The following RARS2 variants were observed in gnomAD, a reference collection of about 807,000 sequenced individuals.
RARS2 encodes the protein arginyl-tRNA synthetase 2, mitochondrial.
Under a neutral mutation model 88.5 loss-of-function variants are expected in RARS2, and 67 were observed. That is an observed-to-expected ratio of 0.76 (90% CI 0.62 to 0.93). The LOEUF (loss-of-function observed/expected upper bound fraction) is 0.93, where lower values mean the gene tolerates loss of function less well. RARS2 is among the 40% of genes least tolerant of loss of function. The pLI, the probability that RARS2 is intolerant of heterozygous loss-of-function variation, is 0.00. For missense variants in RARS2, 664 were observed against 684.2 expected (o/e 0.97, Z 0.33); for synonymous variants, 239 against 230.3 (o/e 1.04, Z -0.34).
rs757932711 is a variant in RARS2 at position 87,516,870 on chromosome 6, C to A, written c.1522G>T (p.Val508Leu). 2 of 1,613,724 alleles carry A rather than the reference C, an allele frequency of 1.2e-6. No homozygotes were observed. Among genetic ancestry groups the A allele is most frequent in the South Asian group, 2.2e-5 (2 of 91,072 alleles). The change falls in exon 18 of 20, where the codon GTG becomes TTG. Residue 508 changes from valine to leucine, a missense_variant. Transcript: ENST00000369536. The stretch of plus-strand genomic sequence containing the variant: ...AAGTCCTGAGATGATTTATAAAGCA[C>A]CTCGTCGAACCTAAAAGATGACAGG... ...ILQHLLRFDE[V>L]LYKSSQDFQP...
chr6:87,544,016 A>G (rs574487240), intron 7 of RARS2, among the ~76,000 whole-genome samples: 2 of 152,370 alleles, frequency 1.3e-5, no homozygotes, highest in South Asian at 2.1e-4. Flanking sequence ...TAGCTGAAAC[A>G]GCAAAAATAT....
chr6:87,519,851 A>G, intron 13 of RARS2, 144 bp from the exon 14 acceptor site: 1 of 1,004,498 alleles, frequency 1.0e-6, no homozygotes, highest in Non-Finnish European at 1.5e-6. Flanking sequence ...TGTGATTTGT[A>G]TGCTACAAAG....
At chr6:87,586,680 A>C (rs1227315879) in intron 1 of RARS2, among the ~76,000 whole-genome samples, 2 of 152,328 alleles carry the variant, frequency 1.3e-5, no homozygotes, top group East Asian at 3.9e-4. Flanking sequence ...AAGTTAGCTA[A>C]ATGCATTTGC....
intron 1 of RARS2, among the ~76,000 whole-genome samples, chr6:87,570,488 G>A (rs914577602): frequency 2.0e-5 from 3 of 152,004 alleles, no homozygotes; most frequent in Non-Finnish European, 4.4e-5. Flanking sequence ...ACGTGATCTC[G>A]GCTCACTGCG....
intron 8 of RARS2, 120 bp downstream of exon 8, chr6:87,541,798 T>A (rs1781052556): frequency 2.7e-6 from 2 of 747,946 alleles, no homozygotes; most frequent in Admixed American, 4.2e-5. Flanking sequence ...CACTCCAGCC[T>A]GGGCAACAGA....
intron 14 of RARS2, 50 bp from the exon 15 acceptor site, chr6:87,518,941 T>A: frequency 6.4e-7 from 1 of 1,570,636 alleles, no homozygotes; most frequent in Non-Finnish European, 8.8e-7. Flanking sequence ...ACTGTGCCAA[T>A]CATGGATCCA....
intron 10 of RARS2, among the ~76,000 whole-genome samples, chr6:87,525,040 C>T (rs1327887727): frequency 6.6e-6 from 1 of 152,034 alleles, no homozygotes; most frequent in African/African-American, 2.4e-5. Flanking sequence ...CACAAAGTAC[C>T]CAAGTATTAA....
At chr6:87,519,895 G>C (rs2128008371) in intron 13 of RARS2, among the ~76,000 whole-genome samples, 188 bp from the exon 14 acceptor site, 1 of 152,258 alleles carries the variant, frequency 6.6e-6, no homozygotes, top group East Asian at 1.9e-4. Flanking sequence ...ATAATCACCA[G>C]CATGTGATTA....
At chr6:87,541,592 G>A (rs1381691400) in intron 8 of RARS2, among the ~76,000 whole-genome samples, 1 of 152,210 alleles carries the variant, frequency 6.6e-6, no homozygotes, top group Non-Finnish European at 1.5e-5. Context: ...GGGAGGCCAA[G>A]GTGGGTGGAT....
At chr6:87,545,756 G>A (rs1782449654) in intron 6 of RARS2, 57 bp from the exon 7 acceptor site, 3 of 1,578,478 alleles carry the variant, frequency 1.9e-6, no homozygotes, top group Non-Finnish European at 2.6e-6. Context: ...TTTGACATAA[G>A]AACCATGTAC....
At chr6:87,569,428 C>G (rs186422793) in intron 2 of RARS2, 89 bp downstream of exon 2, 1 of 1,000,946 alleles carries the variant, frequency 1.0e-6, no homozygotes, top group Admixed American at 1.8e-5. Flanking sequence ...ATTCCACAAA[C>G]TGAAGAGTAA....
intron 18 of RARS2, among the ~76,000 whole-genome samples, chr6:87,516,338 T>C (rs1355054272): frequency 6.6e-6 from 1 of 152,226 alleles, no homozygotes; most frequent in Non-Finnish European, 1.5e-5. Flanking sequence ...AATGCCTCAG[T>C]ACATGGCAAA....
chr6:87,534,060 T>C (rs1199091375), intron 8 of RARS2, among the ~76,000 whole-genome samples: 1 of 151,380 alleles, frequency 6.6e-6, no homozygotes, highest in Non-Finnish European at 1.5e-5. Context: ...TGTAAAAATA[T>C]TCATGATTAT....
At chr6:87,531,744 G>T (rs1377560962) in intron 8 of RARS2, among the ~76,000 whole-genome samples, 1 of 152,106 alleles carries the variant, frequency 6.6e-6, no homozygotes, top group Non-Finnish European at 1.5e-5. Context: ...TGTTCCCAAT[G>T]TAGTTTCAAT....
At position 87,518,650 on chromosome 6, in the gene RARS2, G is replaced by A; in HGVS notation, c.1395C>T (p.Tyr465=). 2 of 1,613,414 alleles carry A rather than the reference G, an allele frequency of 1.2e-6. No individual in the cohort carries two copies. Among genetic ancestry groups the A allele is most frequent in the Non-Finnish European group, 1.7e-6 (2 of 1,179,542 alleles). ...SRGDTGVFLQ[Y]THARLHSLEE... is the part of the protein sequence containing the mutation. Reference sequence around the variant, plus strand: ...CTCACCTGTGGAGGCGGGCGTGTGTGTACTGTAGGAAGACTCCTGTGTCCC... The same window carrying A: ...CTCACCTGTGGAGGCGGGCGTGTGTATACTGTAGGAAGACTCCTGTGTCCC... The change falls in exon 16 of 20, where the codon TAC becomes TAT. Residue 465 remains tyrosine (Y), a synonymous_variant. Coordinates refer to ENST00000369536, the MANE Select transcript of RARS2 (RefSeq NM_020320.5).
chr6:87,522,521 T>C (rs1240698216), intron 11 of RARS2, among the ~76,000 whole-genome samples: 2 of 152,140 alleles, frequency 1.3e-5, no homozygotes, highest in Non-Finnish European at 2.9e-5. Flanking sequence ...TTTTTGATTA[T>C]ATATGATACT....
intron 1 of RARS2, chr6:87,584,880 A>G: frequency 3.2e-6 from 1 of 309,730 alleles, no homozygotes; most frequent in Non-Finnish European, 6.4e-6. Context: ...GATGTCTAAG[A>G]CAACCGAAGT....
chr6:87,577,797 T>C (rs774643521), intron 1 of RARS2, among the ~76,000 whole-genome samples: 19 of 152,232 alleles, frequency 1.2e-4, no homozygotes, highest in Non-Finnish European at 2.5e-4. Context: ...TCATCCCTTA[T>C]GGTAGACGGT....
chr6:87,560,215 C>T (rs1365246896), intron 4 of RARS2, among the ~76,000 whole-genome samples: 3 of 152,164 alleles, frequency 2.0e-5, no homozygotes, highest in East Asian at 1.9e-4. Flanking sequence ...ATGATTTGAA[C>T]GGTTTAAGAG....
Sources: allele counts gnomAD v4.1 joint callset (sites outside exome capture counted in the v4.1 genomes callset), GRCh38; gene constraint gnomAD v4.1.1; transcripts MANE v1.5; gene names NCBI Gene and HGNC (gene_info 2026-07-23, HGNC 2026-07-21).